The following PDE9A variants were observed in gnomAD, a reference collection of about 807,000 sequenced individuals.
The protein encoded by PDE9A is phosphodiesterase 9A.
In PDE9A, 60 loss-of-function variants were observed where a neutral mutation model predicts 87.4. That is an observed-to-expected ratio of 0.69 (90% CI 0.56 to 0.85). The LOEUF is 0.85. PDE9A is among the 40% of genes least tolerant of loss of function. PDE9A has a pLI of 0.00. For missense variants in PDE9A, 665 were observed against 779.0 expected (o/e 0.85, Z 1.74); for synonymous variants, 272 against 279.4 (o/e 0.97, Z 0.27).
intron 4 of PDE9A, among the ~76,000 whole-genome samples, chr21:42,731,443 G>A (rs1209607845): frequency 1.3e-5 from 2 of 152,202 alleles, no homozygotes; most frequent in African/African-American, 4.8e-5. Context: ...GACAAGGACA[G>A]CGCTGTGAGC....
chr21:42,757,690 C>T (rs1602501469), intron 10 of PDE9A: 1 of 152,034 alleles, frequency 6.6e-6, no homozygotes, highest in Non-Finnish European at 1.5e-5. Flanking sequence ...GCTGGGACCT[C>T]GGTCCCTGGT....
intron 8 of PDE9A, among the ~76,000 whole-genome samples, chr21:42,748,097 C>T (rs2054053364): frequency 6.6e-6 from 1 of 152,276 alleles, no homozygotes; most frequent in East Asian, 1.9e-4. Flanking sequence ...CTGTCTTGCT[C>T]GGTGAAGATT....
rs1208947872 is a variant in PDE9A, at chr21:42,759,195, C to T, written c.897+110C>T. 1.4e-6 allele frequency: 1 copy of T among 734,206 alleles called. No individual in the cohort carries two copies. The highest frequency in any genetic ancestry group is 2.7e-5 in the East Asian group (1 of 36,874). The allele number at this position is 734,206 out of a possible 1,614,324, so 45.5% of individuals were successfully genotyped here. ...CACCTTCCGGATGGCACTGCGCTCCCTGTGAGCAGAGGTGACATTTCCCCG... is the reference window on the plus strand; with the variant it reads ...CACCTTCCGGATGGCACTGCGCTCCTTGTGAGCAGAGGTGACATTTCCCCG... On this transcript the variant is annotated intron_variant, in intron 11 of 19. Transcript: ENST00000291539. The surrounding 1 kb of genome is among the most constrained non-coding windows in gnomAD (Gnocchi z 7.2).
At chr21:42,669,450 C>T (rs563930038) in intron 1 of PDE9A, among the ~76,000 whole-genome samples, 3 of 152,350 alleles carry the variant, frequency 2.0e-5, no homozygotes, top group East Asian at 3.9e-4. Flanking sequence ...GTTAGGCAAA[C>T]GTGCCCCTCA....
At chr21:42,710,723 C>T (rs2049255462) in intron 4 of PDE9A, among the ~76,000 whole-genome samples, 1 of 152,206 alleles carries the variant, frequency 6.6e-6, no homozygotes, top group East Asian at 1.9e-4. Context: ...TCCGGTGGCT[C>T]ACGCCTGTAA....
chr21:42,669,305 G>C (rs1159325322), intron 1 of PDE9A, among the ~76,000 whole-genome samples: 1 of 152,102 alleles, frequency 6.6e-6, no homozygotes, highest in Non-Finnish European at 1.5e-5. Context: ...CCAGCAGTTT[G>C]GGAATTGCGG....
intron 17 of PDE9A, among the ~76,000 whole-genome samples, chr21:42,769,647 CACACA>C (rs1324122245): frequency 6.8e-6 from 1 of 146,186 alleles, no homozygotes; most frequent in East Asian, 1.9e-4. Context: ...CACACAGGGA[CACACA>C]GGCACACATA....
At chr21:42,719,781 TTC>T (rs2050308457) in intron 4 of PDE9A, among the ~76,000 whole-genome samples, 1 of 152,236 alleles carries the variant, frequency 6.6e-6, no homozygotes, top group African/African-American at 2.4e-5. Context: ...GATCAGATGG[TTC>T]TTCTTAATTT....
chr21:42,746,680 T>C (rs2053882196), intron 8 of PDE9A, among the ~76,000 whole-genome samples: 1 of 152,156 alleles, frequency 6.6e-6, no homozygotes, highest in Non-Finnish European at 1.5e-5. Context: ...CTTCAGCCCA[T>C]AACACACCAC....
chr21:42,729,749 C>T lies in PDE9A; in HGVS notation c.263-2021C>T, dbSNP rs74944712. Among the ~76,000 whole-genome samples, 1,275 of 152,236 alleles carry T rather than the reference C, an allele frequency of 8.4e-3. 27 individuals carry two copies. The highest frequency in any genetic ancestry group is 0.03 in the African/African-American group (1,226 of 41,524). On this transcript the variant is annotated intron_variant, in intron 4 of 19. Coordinates refer to ENST00000291539, the MANE Select transcript of PDE9A (RefSeq NM_002606.3). ...CTTTTTAATTTTCCCTTGAGACTTC[C>T]TCTTTGACCCTTAAGTTATTTAGAA...
chr21:42,775,155 TG>T, intron 19 of PDE9A, 124 bp from the exon 20 acceptor site: 1 of 806,372 alleles, frequency 1.2e-6, no homozygotes, highest in Non-Finnish European at 2.1e-6. Context: ...TTGGTCAGCC[TG>T]GTCTCGAACT....
In PDE9A at chr21:42,696,871, A is replaced by G. The variant is rs57462337; in HGVS notation, c.219-2097A>G. Among the ~76,000 whole-genome samples, 1 of 152,238 alleles carries G rather than the reference A, an allele frequency of 6.6e-6. No individual in the cohort carries two copies. The highest frequency in any genetic ancestry group is 2.4e-5 in the African/African-American group (1 of 41,534). Reference sequence around the variant, plus strand: ...TAGAGGGGCCCTAGTCCCGATGACGACCGAGTGCCCTCTCCACCTGGGGAG... The same window carrying G: ...TAGAGGGGCCCTAGTCCCGATGACGGCCGAGTGCCCTCTCCACCTGGGGAG... On this transcript the variant is annotated intron_variant, in intron 3 of 19. Coordinates refer to ENST00000291539, the MANE Select transcript of PDE9A (RefSeq NM_002606.3). This position sits in a 1 kb window ranked among gnomAD's most constrained non-coding sequence, Gnocchi z 5.1.
At chr21:42,729,476 T>C (rs1000034107) in intron 4 of PDE9A, among the ~76,000 whole-genome samples, 1 of 152,200 alleles carries the variant, frequency 6.6e-6, no homozygotes, top group Non-Finnish European at 1.5e-5. Context: ...TTTTTCTGTT[T>C]TCTGTTACCG....
At chr21:42,713,392 C>G (rs1321756730) in intron 4 of PDE9A, among the ~76,000 whole-genome samples, 1 of 152,244 alleles carries the variant, frequency 6.6e-6, no homozygotes, top group Non-Finnish European at 1.5e-5. Flanking sequence ...CCTCAGCCTC[C>G]CAAAGTGCTG....
At chr21:42,685,467 CTT>C (rs765252066) in intron 1 of PDE9A, among the ~76,000 whole-genome samples, 14 of 115,886 alleles carry the variant, frequency 1.2e-4, no homozygotes, top group Non-Finnish European at 1.4e-4. Context: ...GAAAGGCAGT[CTT>C]TTTTTTTTTT....
At chr21:42,701,766 C>A (rs2048406547) in intron 4 of PDE9A, among the ~76,000 whole-genome samples, 1 of 152,166 alleles carries the variant, frequency 6.6e-6, no homozygotes, top group South Asian at 2.1e-4. Flanking sequence ...TATTTTCTTG[C>A]CATAGAGAAT....
rs929350064 is a variant in PDE9A, at chr21:42,692,593, G to A, written c.218+4599G>A. Among the ~76,000 whole-genome samples, 4 of 152,132 alleles carry A rather than the reference G, an allele frequency of 2.6e-5. No individual in the cohort carries two copies. The highest frequency in any genetic ancestry group is 2.4e-5 in the African/African-American group (1 of 41,412). ...CTGGTTTGTGACGGAGGTGGGCCCC[G>A]AGAATCTTTCTGCAGCAGAAAGCCA... is the stretch of plus-strand genomic sequence containing the variant. On this transcript the variant is annotated intron_variant, in intron 3 of 19. Transcript: ENST00000291539. The surrounding 1 kb of genome is among the most constrained non-coding windows in gnomAD (Gnocchi z 4.3).
intron 1 of PDE9A, among the ~76,000 whole-genome samples, chr21:42,670,475 TAC>T (rs1056802629): frequency 8.7e-5 from 13 of 149,238 alleles, no homozygotes; most frequent in South Asian, 2.1e-4. Flanking sequence ...CACATAGACT[TAC>T]ACACATACAC....
intron 1 of PDE9A, among the ~76,000 whole-genome samples, chr21:42,682,997 T>A (rs2059252182): frequency 1.3e-5 from 2 of 152,168 alleles, no homozygotes; most frequent in African/African-American, 4.8e-5. Flanking sequence ...CACTTAAGAA[T>A]TACTCATTTC....
Sources: allele counts gnomAD v4.1 joint callset (sites outside exome capture counted in the v4.1 genomes callset), GRCh38; gene constraint gnomAD v4.1.1; non-coding constraint Gnocchi (gnomAD v3.1); transcripts MANE v1.5; gene names NCBI Gene and HGNC (gene_info 2026-07-23, HGNC 2026-07-21).